HELZ: variants seen among roughly 807,000 people sequenced by gnomAD.
HELZ encodes helicase with zinc finger, also known as ATP-dependent RNA helicase with zinc finger domain.
HELZ carries 23 observed loss-of-function variants against 218.2 expected under a neutral mutation model. That is an observed-to-expected ratio of 0.11 (90% CI 0.08 to 0.15). HELZ has a LOEUF of 0.15. HELZ is among the 10% of genes least tolerant of loss of function. HELZ has a pLI of 1.00. For synonymous variants in HELZ, 814 were observed against 829.4 expected (o/e 0.98, Z 0.32); for missense variants, 1,813 against 2,353.7 (o/e 0.77, Z 4.75).
rs2039819279 is a variant in HELZ, at chr17:67,188,641, T to G, written c.865-25A>C. 3.8e-6 allele frequency: 6 copies of G among 1,598,810 alleles called. No homozygotes were observed. The highest frequency in any genetic ancestry group is 5.1e-6 in the Non-Finnish European group (6 of 1,169,034). On this transcript the variant is annotated intron_variant, in intron 11 of 32. Transcript: ENST00000358691. The surrounding 1 kb of genome is among the most constrained non-coding windows in gnomAD (Gnocchi z 4.1). ...GCTACAAGGAAGTTAAAATAATTCA[T>G]TGAGTACAAGGGGGTGAAAAATCCA...
At chr17:67,084,549 G>A (rs925141456) in intron 32 of HELZ, among the ~76,000 whole-genome samples, 4 of 151,992 alleles carry the variant, frequency 2.6e-5, no homozygotes, top group Non-Finnish European at 5.9e-5. Flanking sequence ...TGTAGTCCCA[G>A]CTACGCGGGA....
At chr17:67,168,505 C>T (rs181969219) in intron 13 of HELZ, among the ~76,000 whole-genome samples, 16 of 152,288 alleles carry the variant, frequency 1.1e-4, no homozygotes, top group African/African-American at 3.6e-4. Context: ...GAAGGAAACA[C>T]ATTGCATTGA....
chr17:67,170,414 C>T (rs765592719), intron 13 of HELZ, among the ~76,000 whole-genome samples: 9 of 152,142 alleles, frequency 5.9e-5, no homozygotes, highest in Admixed American at 2.0e-4. Flanking sequence ...ACTTGGGAGG[C>T]TGAGGCAAAA....
intron 28 of HELZ, among the ~76,000 whole-genome samples, chr17:67,111,030 A>G (rs932065474): frequency 3.9e-5 from 6 of 152,242 alleles, no homozygotes; most frequent in African/African-American, 1.4e-4. Flanking sequence ...TGCTAGGTAA[A>G]GGTAACAGTT....
intron 24 of HELZ, among the ~76,000 whole-genome samples, chr17:67,126,698 C>A (rs2037808456): frequency 6.7e-6 from 1 of 148,800 alleles, no homozygotes; most frequent in Admixed American, 6.7e-5. Flanking sequence ...AACACACACA[C>A]ACACACACAC....
At chr17:67,099,324 C>CACTG (rs2036849778) in intron 31 of HELZ, among the ~76,000 whole-genome samples, 1 of 152,108 alleles carries the variant, frequency 6.6e-6, no homozygotes, top group Non-Finnish European at 1.5e-5. Context: ...TTAGAGTCCT[C>CACTG]AGGTCTTAAA....
At chr17:67,229,347 T>C (rs2040977230) in intron 3 of HELZ, among the ~76,000 whole-genome samples, 1 of 152,126 alleles carries the variant, frequency 6.6e-6, no homozygotes, top group Non-Finnish European at 1.5e-5. Context: ...TCCTCGCCTC[T>C]CTCTGGACCT....
In HELZ at chr17:67,218,815, C is replaced by T. The variant is rs751818702; in HGVS notation, c.-11G>A. On this transcript the variant is annotated 5_prime_UTR_variant, in exon 4 of 33. Transcript: ENST00000358691. Reference sequence around the variant, plus strand: ...TCTTCTGTCTTCCATGACTCAGGGACAAAAATCCTACAGACAGGGAGAAAG... The same window carrying T: ...TCTTCTGTCTTCCATGACTCAGGGATAAAAATCCTACAGACAGGGAGAAAG... The T allele has an allele frequency of 6.2e-7, 1 of 1,612,214 alleles. No homozygotes were observed. The highest frequency in any genetic ancestry group is 1.1e-5 in the South Asian group (1 of 90,986).
chr17:67,245,553 T>C (rs753834539), upstream of HELZ: 174 of 980,800 alleles, frequency 1.8e-4, no homozygotes, highest in Non-Finnish European at 2.0e-4. Flanking sequence ...GGCGCGGAGC[T>C]GCTCGCGGAT....
In HELZ at chr17:67,128,972, A is replaced by T. The variant is rs1413096437; in HGVS notation, c.3183-117T>A. The T allele has an allele frequency of 4.1e-6, 3 of 740,198 alleles. No individual in the cohort carries two copies. In the East Asian group the frequency reaches 7.6e-5, roughly 19 times the overall value. 45.9% of individuals were successfully genotyped at this position (740,198 alleles called of 1,614,324 possible). A position where few individuals can be genotyped will look rare whatever the true frequency, so the allele number is the denominator to read the frequency against. ...CCCCAACCTCAAATCCTTAAACCCA[A>T]TAGTCATCTATGATTGAGATAAAAT... On this transcript the variant is annotated intron_variant, in intron 23 of 32. Coordinates refer to ENST00000358691, the MANE Select transcript of HELZ (RefSeq NM_014877.4).
At chr17:67,162,014 CAAAT>C (rs1409272741) in intron 15 of HELZ, among the ~76,000 whole-genome samples, 1 of 152,170 alleles carries the variant, frequency 6.6e-6, no homozygotes, top group Non-Finnish European at 1.5e-5. Context: ...AAATAACCCT[CAAAT>C]AGAGGACAGA....
chr17:67,230,984 GT>G (rs2041022937), intron 3 of HELZ, among the ~76,000 whole-genome samples: 1 of 152,226 alleles, frequency 6.6e-6, no homozygotes, highest in South Asian at 2.1e-4. Flanking sequence ...ATAAATAATG[GT>G]CATCTCATTT....
At chr17:67,122,918 G>C (rs2037660675) in intron 26 of HELZ, 52 bp downstream of exon 26, 1 of 1,359,640 alleles carries the variant, frequency 7.4e-7, no homozygotes, top group Admixed American at 1.9e-5. Flanking sequence ...AACCATTTTA[G>C]TGAAACCTAT....
intron 3 of HELZ, among the ~76,000 whole-genome samples, chr17:67,220,998 C>T (rs1283329829): frequency 6.6e-6 from 1 of 152,000 alleles, no homozygotes; most frequent in Non-Finnish European, 1.5e-5. Context: ...GGTATGCATG[C>T]CTGTTACACA....
In HELZ at chr17:67,194,005, C is replaced by T. The variant is rs1158050242; in HGVS notation, c.519G>A (p.Arg173=). 2 of 1,613,576 alleles carry T rather than the reference C, an allele frequency of 1.2e-6. No individual in the cohort carries two copies. The highest frequency in any genetic ancestry group is 1.7e-6 in the Non-Finnish European group (2 of 1,179,936). The change falls in exon 9 of 33, where the codon AGG becomes AGA. Residue 173 remains arginine (R), a synonymous_variant. Transcript: ENST00000358691. Reference sequence around the variant, plus strand: ...TATATTCCTCGCTGCTTGTGATTCCCCTAGGTGGTGGGCGGAAATGCCAAC... The same window carrying T: ...TATATTCCTCGCTGCTTGTGATTCCTCTAGGTGGTGGGCGGAAATGCCAAC... The part of the protein sequence containing the change: ...CNGWHFRPPP[R]GITSSEEYTL...
chr17:67,230,853 TG>T (rs1039978907), intron 3 of HELZ, among the ~76,000 whole-genome samples: 31 of 152,154 alleles, frequency 2.0e-4, no homozygotes, highest in Admixed American at 1.8e-3. Flanking sequence ...ACTTTAAAAC[TG>T]AGAACAGAGT....
At chr17:67,186,491 C>T (rs1447300737) in intron 12 of HELZ, among the ~76,000 whole-genome samples, 1 of 152,110 alleles carries the variant, frequency 6.6e-6, no homozygotes, top group Non-Finnish European at 1.5e-5. Context: ...AAAAGTAACT[C>T]GTATCTGAGG....
At chr17:67,234,841 T>C (rs994713414) in intron 3 of HELZ, among the ~76,000 whole-genome samples, 6 of 152,036 alleles carry the variant, frequency 3.9e-5, no homozygotes, top group African/African-American at 1.4e-4. Context: ...ACCCCCAGAC[T>C]TCCCTCCAGA....
chr17:67,144,818 A>C (rs981437294), intron 21 of HELZ, among the ~76,000 whole-genome samples: 2 of 152,124 alleles, frequency 1.3e-5, no homozygotes, highest in Non-Finnish European at 2.9e-5. Flanking sequence ...AGACCCCTAA[A>C]GTTATTTTCA....
Sources: gnomAD v4.1 joint callset for allele counts (sites outside exome capture counted in the v4.1 genomes callset) on GRCh38, gnomAD v4.1.1 for gene constraint, Gnocchi (gnomAD v3.1) non-coding constraint, MANE v1.5 for transcripts, NCBI Gene and HGNC (gene_info 2026-07-23, HGNC 2026-07-21) for gene names.